BTBD9: variants seen among roughly 807,000 people sequenced by gnomAD.
The protein encoded by BTBD9 is BTB/POZ domain-containing protein 9.
In BTBD9, 49 loss-of-function variants were observed where a neutral mutation model predicts 64.3. The ratio of observed to expected loss-of-function variants is 0.76; its 90% CI spans 0.61 to 0.97. The LOEUF is 0.97. Among genes scored for constraint, BTBD9 ranks in the 50% least tolerant of loss-of-function variants. BTBD9 has a pLI of 0.00. For missense variants in BTBD9, 598 were observed against 762.1 expected (o/e 0.78, Z 2.53); for synonymous variants, 260 against 274.7 (o/e 0.95, Z 0.53).
chr6:38,459,954 A>G (rs750413178), intron 6 of BTBD9, among the ~76,000 whole-genome samples: 2 of 152,226 alleles, frequency 1.3e-5, no homozygotes, highest in Non-Finnish European at 2.9e-5. Flanking sequence ...ACAGAGTTTT[A>G]GCTTTGTATT....
chr6:38,273,072 C>T (rs1561955774), intron 8 of BTBD9, among the ~76,000 whole-genome samples: 2 of 152,166 alleles, frequency 1.3e-5, no homozygotes, highest in Non-Finnish European at 2.9e-5. Context: ...GCCCAAAACC[C>T]TAATGCAAAG....
At chr6:38,601,681 G>A (rs1752710503) in intron 1 of BTBD9, among the ~76,000 whole-genome samples, 1 of 151,750 alleles carries the variant, frequency 6.6e-6, no homozygotes, top group Admixed American at 6.6e-5. Context: ...GCAAGACCCT[G>A]TCTCAAAAAA....
At chr6:38,348,224 C>T (rs1457639003) in intron 6 of BTBD9, among the ~76,000 whole-genome samples, 2 of 152,134 alleles carry the variant, frequency 1.3e-5, no homozygotes. Context: ...TCTCTTTCTG[C>T]TTTTTCTGAA....
intron 6 of BTBD9, among the ~76,000 whole-genome samples, chr6:38,565,655 A>G (rs1233312982): frequency 6.6e-6 from 1 of 152,088 alleles, no homozygotes; most frequent in Non-Finnish European, 1.5e-5. Flanking sequence ...ATTCAAAATA[A>G]TGATAATGCC....
intron 1 of BTBD9, among the ~76,000 whole-genome samples, chr6:38,608,827 T>C (rs1261644578): frequency 6.6e-6 from 1 of 152,254 alleles, no homozygotes; most frequent in Non-Finnish European, 1.5e-5. Context: ...CCACGAATTA[T>C]ACTAGTATTT....
chr6:38,626,720 A>G (rs1562439948), intron 1 of BTBD9, among the ~76,000 whole-genome samples: 1 of 152,366 alleles, frequency 6.6e-6, no homozygotes, highest in East Asian at 1.9e-4. Flanking sequence ...CACTCCACTT[A>G]GTGACTACAT....
At chr6:38,609,414 T>C (rs1010443418) in intron 1 of BTBD9, among the ~76,000 whole-genome samples, 3 of 152,172 alleles carry the variant, frequency 2.0e-5, no homozygotes, top group Non-Finnish European at 4.4e-5. Flanking sequence ...CTCTAGACTT[T>C]TCCTATAAAA....
At chr6:38,176,556 T>C (rs1761260907) in intron 10 of BTBD9, among the ~76,000 whole-genome samples, 1 of 152,182 alleles carries the variant, frequency 6.6e-6, no homozygotes, top group Non-Finnish European at 1.5e-5. Context: ...ACTTAGCCTA[T>C]GTCTCCCTCC....
chr6:38,477,753 T>G (rs1331364412), intron 6 of BTBD9, among the ~76,000 whole-genome samples: 1 of 152,184 alleles, frequency 6.6e-6, no homozygotes, highest in African/African-American at 2.4e-5. Flanking sequence ...CTGGGGGTAT[T>G]TGAATTTGTA....
intron 6 of BTBD9, among the ~76,000 whole-genome samples, chr6:38,463,789 T>C (rs1369799926): frequency 1.3e-5 from 2 of 152,186 alleles, no homozygotes; most frequent in Admixed American, 6.5e-5. Flanking sequence ...CCCAGCACTT[T>C]AGGAGGCCAA....
intron 7 of BTBD9, among the ~76,000 whole-genome samples, chr6:38,298,408 G>A (rs1340049642): frequency 6.6e-6 from 1 of 151,978 alleles, no homozygotes; most frequent in East Asian, 1.9e-4. Context: ...ACATACTTAT[G>A]GAGTACATGT....
chr6:38,255,488 TAG>T (rs1561932871), intron 9 of BTBD9, among the ~76,000 whole-genome samples: 1 of 152,122 alleles, frequency 6.6e-6, no homozygotes, highest in Non-Finnish European at 1.5e-5. Flanking sequence ...CCTTGCCTCT[TAG>T]AGATTCTGGC....
intron 6 of BTBD9, among the ~76,000 whole-genome samples, chr6:38,425,927 T>TATACAC (rs71543926): frequency 7.3e-6 from 1 of 136,988 alleles, no homozygotes; most frequent in Admixed American, 7.3e-5. Context: ...AAGAAACACA[T>TATACAC]ACACACACAC....
intron 6 of BTBD9, among the ~76,000 whole-genome samples, chr6:38,572,966 C>T (rs1458387888): frequency 6.6e-6 from 1 of 151,822 alleles, no homozygotes; most frequent in African/African-American, 2.4e-5. Context: ...AATGCGTTAA[C>T]AAATTTCATA....
intron 7 of BTBD9, among the ~76,000 whole-genome samples, chr6:38,310,008 G>T (rs749304697): frequency 2.6e-5 from 4 of 152,092 alleles, no homozygotes; most frequent in Admixed American, 2.6e-4. Flanking sequence ...AGAGAAAAAG[G>T]TGAGACATAA....
At chr6:38,427,774 C>T (rs1038966232) in intron 6 of BTBD9, among the ~76,000 whole-genome samples, 1 of 151,970 alleles carries the variant, frequency 6.6e-6, no homozygotes, top group Admixed American at 6.5e-5. Context: ...GAATTGCATT[C>T]TCTTAGGTCA....
At chr6:38,364,570 G>GGA (rs1257454376) in intron 6 of BTBD9, among the ~76,000 whole-genome samples, 1 of 152,136 alleles carries the variant, frequency 6.6e-6, no homozygotes, top group African/African-American at 2.4e-5. Context: ...ATTCAATCCA[G>GGA]GAGATTTAAA....
At chr6:38,232,025 T>C (rs1404141380) in intron 9 of BTBD9, among the ~76,000 whole-genome samples, 1 of 152,138 alleles carries the variant, frequency 6.6e-6, no homozygotes, top group Non-Finnish European at 1.5e-5. Context: ...TCAAAGGAAT[T>C]GTAAGGAAAA....
In BTBD9 at chr6:38,571,161, T is replaced by C. The variant is rs146175503; in HGVS notation, c.1154+6439A>G. Among the ~76,000 whole-genome samples the C allele has an allele frequency of 7.2e-3, 1,094 of 152,342 alleles. 6 individuals carry two copies. Among genetic ancestry groups the C allele is most frequent in the African/African-American group, 0.023 (976 of 41,566 alleles). ...TCTGAATAAGGCATTTCTTGAATTG[T>C]GAAGCTCTTCAGTCATAAGAAGAAA... On this transcript the variant is annotated intron_variant, in intron 6 of 10. Transcript: ENST00000481247.
Sources: allele counts gnomAD v4.1 joint callset (sites outside exome capture counted in the v4.1 genomes callset), GRCh38; gene constraint gnomAD v4.1.1; transcripts MANE v1.5; gene names NCBI Gene and HGNC (gene_info 2026-07-23, HGNC 2026-07-21).